MEIS2: variants seen among roughly 807,000 people sequenced by gnomAD.
MEIS2 encodes the protein homeobox protein Meis2.
Under a neutral mutation model 58.6 loss-of-function variants are expected in MEIS2, and 9 were observed. The ratio of observed to expected loss-of-function variants is 0.15; its 90% CI spans 0.09 to 0.27. MEIS2 has a LOEUF of 0.27. Among genes scored for constraint, MEIS2 ranks in the 10% least tolerant of loss-of-function variants. MEIS2 has a pLI of 1.00. For synonymous variants in MEIS2, 221 were observed against 228.4 expected (o/e 0.97, Z 0.29); for missense variants, 427 against 635.0 (o/e 0.67, Z 3.52).
At chr15:37,093,433 G>A (rs1183892656) in intron 6 of MEIS2, 148 bp downstream of exon 6, 4 of 1,040,876 alleles carry the variant, frequency 3.8e-6, no homozygotes, top group Non-Finnish European at 5.4e-6. Flanking sequence ...GGGTATGGCA[G>A]AGAAAGCAAG....
intron 8 of MEIS2, among the ~76,000 whole-genome samples, chr15:37,013,677 G>C (rs1323151023): frequency 1.3e-5 from 2 of 150,762 alleles, no homozygotes; most frequent in African/African-American, 4.9e-5. Context: ...TGAATTCAGA[G>C]CTTTGGCAAT....
chr15:36,980,201 T>C (rs920824383), intron 8 of MEIS2, among the ~76,000 whole-genome samples: 7 of 152,162 alleles, frequency 4.6e-5, no homozygotes, highest in African/African-American at 1.4e-4. Flanking sequence ...TTGTCATTTT[T>C]ATTTTAACTT....
At chr15:36,896,128 T>C (rs1326143407) in intron 10 of MEIS2, among the ~76,000 whole-genome samples, 1 of 152,224 alleles carries the variant, frequency 6.6e-6, no homozygotes, top group Non-Finnish European at 1.5e-5. Context: ...ATGTGAAGCA[T>C]TTTATACAAA....
chr15:36,906,108 G>C (rs900559811), intron 9 of MEIS2, among the ~76,000 whole-genome samples: 9 of 152,208 alleles, frequency 5.9e-5, no homozygotes, highest in African/African-American at 2.2e-4. Context: ...GTGCAAGGGA[G>C]GATAAAGGAA....
At chr15:36,937,136 A>G (rs1180366242) in intron 9 of MEIS2, among the ~76,000 whole-genome samples, 6 of 152,208 alleles carry the variant, frequency 3.9e-5, no homozygotes, top group Non-Finnish European at 5.9e-5. Context: ...TTGGAGGTAC[A>G]CCACAAATGT....
At chr15:36,952,563 T>A (rs2058788747) in intron 8 of MEIS2, among the ~76,000 whole-genome samples, 1 of 151,616 alleles carries the variant, frequency 6.6e-6, no homozygotes. Flanking sequence ...CAAGGCAGTT[T>A]TGACAAAATG....
chr15:37,057,834 C>T (rs1282353141), intron 7 of MEIS2, among the ~76,000 whole-genome samples: 2 of 151,828 alleles, frequency 1.3e-5, no homozygotes, highest in African/African-American at 2.4e-5. Flanking sequence ...ATCAAGAAGC[C>T]GAGGCTTGTA....
At chr15:36,946,968 G>A (rs2058588732) in intron 9 of MEIS2, among the ~76,000 whole-genome samples, 2 of 151,990 alleles carry the variant, frequency 1.3e-5, no homozygotes, top group African/African-American at 4.8e-5. Context: ...TATTCAGGTT[G>A]AGGATATTTG....
intron 9 of MEIS2, among the ~76,000 whole-genome samples, chr15:36,932,994 G>A (rs992920904): frequency 6.6e-6 from 1 of 152,092 alleles, no homozygotes; most frequent in Non-Finnish European, 1.5e-5. Context: ...ATCTCTCCAG[G>A]GTAGCCCATT....
chr15:37,095,425 C>T, intron 4 of MEIS2, 139 bp downstream of exon 4: 2 of 1,337,512 alleles, frequency 1.5e-6, no homozygotes, highest in Non-Finnish European at 1.0e-6. Context: ...GGGCTCTAAG[C>T]TGCTCCCTTC....
chr15:37,051,371 T>C (rs2062912415), intron 7 of MEIS2, among the ~76,000 whole-genome samples: 1 of 152,166 alleles, frequency 6.6e-6, no homozygotes, highest in South Asian at 2.1e-4. Flanking sequence ...AAAGGCCACA[T>C]ACTGTATGAT....
chr15:36,962,418 A>AT (rs1270756178), intron 8 of MEIS2, among the ~76,000 whole-genome samples: 1 of 152,174 alleles, frequency 6.6e-6, no homozygotes, highest in Non-Finnish European at 1.5e-5. Context: ...ATGGTGTAGT[A>AT]TTTGCATATA....
chr15:37,082,034 T>C (rs1198335982), intron 7 of MEIS2, among the ~76,000 whole-genome samples: 1 of 152,200 alleles, frequency 6.6e-6, no homozygotes, highest in Non-Finnish European at 1.5e-5. Context: ...CCTTTCTTGC[T>C]ATCTCCCTTG....
intron 8 of MEIS2, among the ~76,000 whole-genome samples, chr15:37,004,400 C>T (rs894550125): frequency 1.3e-5 from 2 of 152,200 alleles, no homozygotes; most frequent in Admixed American, 6.5e-5. Flanking sequence ...CACAAAACAG[C>T]CTGAGCAGGT....
At chr15:37,055,880 G>A (rs1459671896) in intron 7 of MEIS2, among the ~76,000 whole-genome samples, 4 of 152,124 alleles carry the variant, frequency 2.6e-5, no homozygotes, top group East Asian at 1.9e-4. Flanking sequence ...ATTATCTCCC[G>A]TAGTGATTTG....
intron 4 of MEIS2, among the ~76,000 whole-genome samples, chr15:37,095,281 A>C (rs1439970384): frequency 6.6e-6 from 1 of 150,840 alleles, no homozygotes; most frequent in Non-Finnish European, 1.5e-5. Context: ...CACTTCTCGC[A>C]GTTTACTCCT....
chr15:37,095,978 C>A (rs954965861), intron 3 of MEIS2: 2 of 447,642 alleles, frequency 4.5e-6, no homozygotes, highest in East Asian at 7.6e-5. Flanking sequence ...TCCCTCACAG[C>A]CCCTCTCCCC....
chr15:37,098,376 G>GT, intron 1 of MEIS2, 177 bp from the exon 2 acceptor site: 3 of 1,102,316 alleles, frequency 2.7e-6, no homozygotes, highest in East Asian at 3.8e-5. Flanking sequence ...AAGGAGGAGA[G>GT]GGGGAGAGAG....
chr15:36,983,642 C>T (rs148054947), intron 8 of MEIS2, among the ~76,000 whole-genome samples: 7 of 151,846 alleles, frequency 4.6e-5, no homozygotes, highest in African/African-American at 1.5e-4. Context: ...TTTTGTGGTA[C>T]CATATAATTT....
Sources: allele counts gnomAD v4.1 joint callset (sites outside exome capture counted in the v4.1 genomes callset), GRCh38; gene constraint gnomAD v4.1.1; transcripts MANE v1.5; gene names NCBI Gene and HGNC (gene_info 2026-07-23, HGNC 2026-07-21).